Variants in PPP3CB observed in about 807,000 individuals in gnomAD.
PPP3CB encodes the protein protein phosphatase 3 catalytic subunit beta, also known as serine/threonine-protein phosphatase 2B catalytic subunit beta isoform.
In PPP3CB, 8 loss-of-function variants were observed where a neutral mutation model predicts 66.4. That is an observed-to-expected ratio of 0.12 (90% CI 0.07 to 0.22). PPP3CB has a LOEUF of 0.22. PPP3CB is among the 10% of genes least tolerant of loss of function. PPP3CB has a pLI of 1.00. For missense variants in PPP3CB, 319 were observed against 642.5 expected (o/e 0.50, Z 5.44); for synonymous variants, 208 against 221.2 (o/e 0.94, Z 0.53).
rs892282104 is a variant in PPP3CB at position 73,471,577 on chromosome 10, C to G, written c.560G>C (p.Cys187Ser). ...AGGCAAACTATCAAAAGCTTCCATA[C>G]AAGCTTCATAGACTCTTTCCGAATA... is the stretch of plus-strand genomic sequence containing the variant. ...IKYSERVYEA[C>S]MEAFDSLPLA... Residue 187 changes from cysteine (C) to serine (S), a missense_variant, in exon 5 of 14, where the codon TGT (cysteine) becomes TCT (serine). By Grantham distance (112) the Cys-to-Ser change is moderately radical. Transcript: ENST00000360663. 4 of 1,609,410 alleles carry G rather than the reference C, an allele frequency of 2.5e-6. No individual in the cohort carries two copies. In the African/African-American group the frequency reaches 4.0e-5, roughly 16 times the overall value.
intron 8 of PPP3CB, 119 bp from the exon 9 acceptor site, chr10:73,467,797 G>T: frequency 1.1e-6 from 1 of 917,922 alleles, no homozygotes; most frequent in Non-Finnish European, 1.6e-6. Flanking sequence ...TCGGGGGTGA[G>T]TGGAATCAGG....
intron 1 of PPP3CB, among the ~76,000 whole-genome samples, chr10:73,483,961 T>G (rs753158530): frequency 1.3e-5 from 2 of 151,824 alleles, no homozygotes; most frequent in South Asian, 4.1e-4. Flanking sequence ...CTGGCCAACA[T>G]AGTGAAACCC....
At chr10:73,476,634 AAAAG>A (rs2056793388) in intron 3 of PPP3CB, among the ~76,000 whole-genome samples, 1 of 152,106 alleles carries the variant, frequency 6.6e-6, no homozygotes, top group African/African-American at 2.4e-5. Context: ...AAAAAAAAAA[AAAAG>A]AGTCAGCTGC....
At chr10:73,449,857 G>A (rs1376980035) in intron 10 of PPP3CB, among the ~76,000 whole-genome samples, 2 of 152,020 alleles carry the variant, frequency 1.3e-5, no homozygotes, top group Non-Finnish European at 2.9e-5. Flanking sequence ...GTGCAATGGG[G>A]TGATCTCGGC....
chr10:73,479,233 T>G, intron 2 of PPP3CB, 84 bp downstream of exon 2: 1 of 1,191,636 alleles, frequency 8.4e-7, no homozygotes. Context: ...TAGCATACAG[T>G]ATCATTGAAA....
intron 9 of PPP3CB, among the ~76,000 whole-genome samples, chr10:73,460,461 G>C (rs2056503306): frequency 6.6e-6 from 1 of 152,060 alleles, no homozygotes; most frequent in Non-Finnish European, 1.5e-5. Flanking sequence ...AGAATCTAGA[G>C]ACAAGTTAGA....
chr10:73,494,621 G>A (rs1179935416), intron 1 of PPP3CB, among the ~76,000 whole-genome samples: 2 of 150,978 alleles, frequency 1.3e-5, no homozygotes, highest in African/African-American at 4.9e-5. Context: ...TTTAAGAACC[G>A]AAGAAGGCTC....
intron 9 of PPP3CB, among the ~76,000 whole-genome samples, chr10:73,464,946 CAAAA>C (rs1211199797): frequency 9.7e-6 from 1 of 103,330 alleles, no homozygotes; most frequent in Non-Finnish European, 2.1e-5. Flanking sequence ...GACTGTGCCT[CAAAA>C]AAAAAAAAAA....
Position 73,439,863 on chromosome 10 carries a change from T to C in PPP3CB, c.1396+9A>G. 6.2e-7 allele frequency: 1 copy of C among 1,613,098 alleles called. No homozygotes were observed. Among genetic ancestry groups the C allele is most frequent in the South Asian group, 1.1e-5 (1 of 91,048 alleles). On this transcript the variant is annotated intron_variant, in intron 13 of 13. Transcript: ENST00000360663. ...AGATCTCTGCCCAGCACAAGGACTC[T>C]GATCATACCTTTTTCAGCCTCAATA... is the stretch of plus-strand genomic sequence containing the variant.
rs1440236352 is a variant in PPP3CB at position 73,495,855 on chromosome 10, G to T, written c.35C>A (p.Pro12His). Reference sequence around the variant, plus strand: ...AGGGGGCGGCGGGGGCGGGGGTGGGGGCGGTGCAGCCCGGGCCGGCTCCGG... The same window carrying T: ...AGGGGGCGGCGGGGGCGGGGGTGGGTGCGGTGCAGCCCGGGCCGGCTCCGG... ...AAPEPARAAP[P>H]PPPPPPPPPG... Residue 12 changes from proline to histidine, a missense_variant, in exon 1 of 14, where the codon CCC becomes CAC. Pro to His is a moderately conservative substitution (Grantham distance 77). Transcript: ENST00000360663. 2.7e-6 allele frequency: 4 copies of T among 1,462,956 alleles called. No individual in the cohort carries two copies. The highest frequency in any genetic ancestry group is 9.0e-7 in the Non-Finnish European group (1 of 1,105,524). 90.6% of individuals were successfully genotyped at this position (1,462,956 alleles called of 1,614,324 possible). A position where few individuals can be genotyped will look rare whatever the true frequency, so the allele number is the denominator to read the frequency against.
chr10:73,438,533 C>T, intron 13 of PPP3CB, 113 bp from the exon 14 acceptor site: 1 of 898,234 alleles, frequency 1.1e-6, no homozygotes, highest in South Asian at 1.5e-5. Context: ...AGTAGCAACA[C>T]ATAAATCTTA....
rs563236491 is a variant in PPP3CB at position 73,469,672 on chromosome 10, G to A, written c.982+1015C>T. Among the ~76,000 whole-genome samples, 210 of 152,256 alleles carry A rather than the reference G, an allele frequency of 1.4e-3. 1 individual carries two copies. The highest frequency in any genetic ancestry group is 3.4e-3 in the Middle Eastern group (1 of 294). ...CAAGTTATCCAGCATGCTACTGTTTGGTCTCAGGCAAGTGTTTTAATCTTT... is the reference window on the plus strand; with the variant it reads ...CAAGTTATCCAGCATGCTACTGTTTAGTCTCAGGCAAGTGTTTTAATCTTT... On this transcript the variant is annotated intron_variant, in intron 8 of 13. Transcript: ENST00000360663.
rs2056837827 is a variant in PPP3CB at position 73,479,318 on chromosome 10, T to C, written c.285A>G (p.Thr95=). 1.2e-6 allele frequency: 2 copies of C among 1,613,050 alleles called. No homozygotes were observed. The highest frequency in any genetic ancestry group is 1.3e-5 in the African/African-American group (1 of 74,914). ...TACCCAAAACATGAATAAGCTTACC[T>C]GTGATTGGAGCTTCTACTTCTATCA... ...KTMIEVEAPI[T]VCGDIHGQFF... Residue 95 remains threonine, a splice_region_variant and synonymous_variant, in exon 2 of 14, where the codon ACA becomes ACG. Transcript: ENST00000360663.
intron 12 of PPP3CB, chr10:73,444,524 G>A: frequency 3.4e-6 from 5 of 1,487,588 alleles, no homozygotes; most frequent in Non-Finnish European, 4.5e-6. Context: ...TCAATTGAAA[G>A]GAATACCCAT....
intron 1 of PPP3CB, among the ~76,000 whole-genome samples, chr10:73,493,716 C>T (rs2057115328): frequency 6.6e-6 from 1 of 152,094 alleles, no homozygotes; most frequent in Admixed American, 6.6e-5. Context: ...ATGAAGAGGG[C>T]ACAATGAAGC....
chr10:73,467,819 G>A, intron 8 of PPP3CB, 141 bp from the exon 9 acceptor site: 3 of 691,418 alleles, frequency 4.3e-6, no homozygotes, highest in Non-Finnish European at 6.8e-6. Flanking sequence ...CTGGTAGAGG[G>A]AGGAAGGAAC....
intron 9 of PPP3CB, 172 bp downstream of exon 9, chr10:73,467,381 G>A: frequency 2.4e-6 from 1 of 425,264 alleles, no homozygotes; most frequent in Non-Finnish European, 4.0e-6. Context: ...GCTGTAAACA[G>A]CTAACTAAAA....
chr10:73,454,348 G>T, intron 10 of PPP3CB, 64 bp downstream of exon 10: 5 of 1,291,922 alleles, frequency 3.9e-6, no homozygotes, highest in Admixed American at 3.7e-5. Context: ...TGTGTACTGA[G>T]GCTAGGCAGT....
At chr10:73,485,950 G>GTGTGTA (rs58404946) in intron 1 of PPP3CB, among the ~76,000 whole-genome samples, 5,154 of 124,418 alleles carry the variant, frequency 0.041, 164 homozygotes, top group East Asian at 0.13. Flanking sequence ...GTGTGTGTGT[G>GTGTGTA]TATTTTTTTT....
Sources: gnomAD v4.1 joint callset for allele counts (sites outside exome capture counted in the v4.1 genomes callset) on GRCh38, gnomAD v4.1.1 for gene constraint, MANE v1.5 for transcripts, NCBI Gene and HGNC (gene_info 2026-07-23, HGNC 2026-07-21) for gene names.